ZNF208: variants seen among roughly 807,000 people sequenced by gnomAD.
ZNF208 encodes the protein zinc finger protein 208.
Under a neutral mutation model 12.1 loss-of-function variants are expected in ZNF208, and 10 were observed. The ratio of observed to expected loss-of-function variants is 0.83; its 90% CI spans 0.51 to 1.40. The LOEUF (loss-of-function observed/expected upper bound fraction) is 1.40. Ranked by LOEUF, ZNF208 falls within the 40% of genes most tolerant of loss-of-function variation. The pLI, the probability that ZNF208 is intolerant of heterozygous loss-of-function variation, is 0.00. For synonymous variants in ZNF208, 497 were observed against 488.4 expected (o/e 1.02, Z -0.23); for missense variants, 1,652 against 1,485.0 (o/e 1.11, Z -1.85).
At chr19:22,010,671 A>G in intron 1 of ZNF208, 121 bp downstream of exon 1, 1 of 1,500,040 alleles carries the variant, frequency 6.7e-7, no homozygotes, top group Non-Finnish European at 9.3e-7. Context: ...GAGCTAGGCA[A>G]GAACTCGGGG....
At chr19:21,979,783 G>T (rs1970502719) in intron 3 of ZNF208, among the ~76,000 whole-genome samples, 1 of 152,102 alleles carries the variant, frequency 6.6e-6, no homozygotes, top group South Asian at 2.1e-4. Context: ...GACACAGACT[G>T]GCAAATTGAA....
In ZNF208 at chr19:21,974,065, A is replaced by C; in HGVS notation, c.969T>G (p.Ser323Arg). The C allele has an allele frequency of 7.6e-7, 1 of 1,324,348 alleles. No homozygotes were observed. Among genetic ancestry groups the C allele is most frequent in the Non-Finnish European group, 1.0e-6 (1 of 996,064 alleles). 82.0% of individuals were successfully genotyped at this position (1,324,348 alleles called of 1,614,324 possible). The change falls in exon 4 of 4, where the codon AGT becomes AGG. Residue 323 changes from serine (S) to arginine (R), a missense_variant. Around this residue, in one of 3 missense-constraint regions of ZNF208, gnomAD observed 410 missense variants for 378.2 expected, o/e 1.08. Transcript: ENST00000397126. ...YKCKECGKAF[S>R]KVSTLITHKA... Reference sequence around the variant, plus strand: ...TATGTGTAATAAGGGTTGAGACCTTACTGAAGGCTTTGCCACATTCTTTAC... The same window carrying C: ...TATGTGTAATAAGGGTTGAGACCTTCCTGAAGGCTTTGCCACATTCTTTAC...
intron 4 of ZNF208, among the ~76,000 whole-genome samples, chr19:21,950,793 C>G (rs1183359204): frequency 6.6e-6 from 1 of 151,928 alleles, no homozygotes; most frequent in Admixed American, 6.6e-5. Context: ...CCATGCCTGG[C>G]CCCTAGCCCT....
chr19:22,002,081 G>T (rs1970964397), intron 1 of ZNF208, among the ~76,000 whole-genome samples: 1 of 151,862 alleles, frequency 6.6e-6, no homozygotes, highest in African/African-American at 2.4e-5. Context: ...CACATAAACA[G>T]AATTAAAGAC....
At chr19:21,950,257 A>G (rs1253267936) in intron 4 of ZNF208, among the ~76,000 whole-genome samples, 2 of 152,148 alleles carry the variant, frequency 1.3e-5, no homozygotes, top group Admixed American at 1.3e-4. Flanking sequence ...AATTACTTTT[A>G]TCCACTCTTT....
rs539163977 is a variant in ZNF208, at chr19:21,993,964, A to G, written c.4-5055T>C. Reference sequence around the variant, plus strand: ...AAGTTACAGAGCACTGTGATAGCACATTATGTGATTTAATCCTAATAACAC... The same window carrying G: ...AAGTTACAGAGCACTGTGATAGCACGTTATGTGATTTAATCCTAATAACAC... On this transcript the variant is annotated intron_variant, in intron 1 of 3. Transcript: ENST00000397126. 5.9e-5 allele frequency among the ~76,000 whole-genome samples: 9 copies of G among 152,352 alleles called. No individual in the cohort carries two copies. In the South Asian group the frequency reaches 1.7e-3, roughly 28 times the overall value.
intron 1 of ZNF208, among the ~76,000 whole-genome samples, chr19:21,993,164 A>G (rs536475083): frequency 4.4e-4 from 67 of 152,278 alleles, no homozygotes; most frequent in African/African-American, 1.6e-3. Context: ...CTCCACAGAG[A>G]TAAAAATATG....
At chr19:22,002,616 A>T (rs1217290571) in intron 1 of ZNF208, among the ~76,000 whole-genome samples, 1 of 152,024 alleles carries the variant, frequency 6.6e-6, no homozygotes, top group Admixed American at 6.6e-5. Flanking sequence ...AAAGAATAAT[A>T]TATCTAGAAA....
chr19:21,973,285 A>G lies in ZNF208; in HGVS notation c.1749T>C (p.Cys583=). The G allele has an allele frequency of 6.2e-7, 1 of 1,611,192 alleles. No individual in the cohort carries two copies. Among genetic ancestry groups the G allele is most frequent in the Non-Finnish European group, 8.5e-7 (1 of 1,178,590 alleles). Reference sequence around the variant, plus strand: ...GGTTAAAAGCTTTGCCACATTCTTCACATTTGTAGGGTTTCTCTACAGTAT... The same window carrying G: ...GGTTAAAAGCTTTGCCACATTCTTCGCATTTGTAGGGTTTCTCTACAGTAT... The part of the protein sequence containing the change: ...KIHTVEKPYK[C]EECGKAFNQS... The change falls in exon 4 of 4, where the codon TGT becomes TGC. Residue 583 remains cysteine, a synonymous_variant. Transcript: ENST00000397126.
rs377745338 is a variant in ZNF208, at chr19:21,971,714, T to A, written c.3320A>T (p.His1107Leu). 6.2e-6 allele frequency: 10 copies of A among 1,613,994 alleles called. No homozygotes were observed. Among genetic ancestry groups the A allele is most frequent in the Non-Finnish European group, 7.6e-6 (9 of 1,179,996 alleles). The stretch of plus-strand genomic sequence containing the variant: ...ACATTTGTAGGGTTTCTCTCCAGTA[T>A]GAATTCTCTTATGTTCCATAAGGTT... ...SSNLMEHKRI[H>L]TGEKPYKCEE... is the part of the protein sequence containing the mutation. The change falls in exon 4 of 4, where the codon CAT (histidine) becomes CTT (leucine). Residue 1107 changes from histidine (H) to leucine (L), a missense_variant. Coordinates refer to ENST00000397126, the MANE Select transcript of ZNF208 (RefSeq NM_007153.3).
intron 4 of ZNF208, among the ~76,000 whole-genome samples, chr19:21,949,890 C>T (rs905821843): frequency 2.0e-5 from 3 of 152,142 alleles, no homozygotes; most frequent in African/African-American, 7.2e-5. Context: ...GACTGCTGTC[C>T]TCTAATGGAA....
At chr19:21,960,353 A>C (rs1249568208) in intron 4 of ZNF208, among the ~76,000 whole-genome samples, 1 of 152,164 alleles carries the variant, frequency 6.6e-6, no homozygotes, top group Non-Finnish European at 1.5e-5. Flanking sequence ...TTTATAGTAT[A>C]AAATTAAAAT....
At chr19:22,005,398 G>A (rs1971027288) in intron 1 of ZNF208, among the ~76,000 whole-genome samples, 1 of 152,178 alleles carries the variant, frequency 6.6e-6, no homozygotes, top group Non-Finnish European at 1.5e-5. Flanking sequence ...GTGTAGAGGA[G>A]ATCAGAGCTT....
In ZNF208 at chr19:21,969,911, A is replaced by AT. The variant is rs562002063; in HGVS notation, c.*1279dup. 5.3e-5 allele frequency among the ~76,000 whole-genome samples: 8 copies of AT among 151,884 alleles called. No individual in the cohort carries two copies. The East Asian group carries it at 7.7e-4, about 15-fold the overall frequency. On this transcript the variant is annotated 3_prime_UTR_variant, in exon 4 of 4. Transcript: ENST00000397126. The stretch of plus-strand genomic sequence containing the variant: ...GAAGATATTACTGGCATTAACAAAA[A>AT]TTTTTTTTTCCAGACAGTCTCTCTC...
chr19:21,946,832 A>C (rs994132817), intron 4 of ZNF208, among the ~76,000 whole-genome samples: 6 of 152,140 alleles, frequency 3.9e-5, no homozygotes, highest in African/African-American at 7.2e-5. Flanking sequence ...AGGAGGTCCT[A>C]TGGCAACTGA....
At chr19:22,005,310 A>T (rs1971025457) in intron 1 of ZNF208, among the ~76,000 whole-genome samples, 1 of 152,158 alleles carries the variant, frequency 6.6e-6, no homozygotes, top group African/African-American at 2.4e-5. Flanking sequence ...TTGTCATCAG[A>T]TCTCTTTTAA....
chr19:21,964,569 T>TC (rs1411305155), downstream of ZNF208, among the ~76,000 whole-genome samples: 1 of 151,738 alleles, frequency 6.6e-6, no homozygotes, highest in Non-Finnish European at 1.5e-5. Context: ...TGACAGACAC[T>TC]CCGCATTTAA....
intron 4 of ZNF208, among the ~76,000 whole-genome samples, chr19:21,943,355 A>C (rs1257517364): frequency 2.6e-5 from 4 of 152,214 alleles, no homozygotes; most frequent in Non-Finnish European, 5.9e-5. Flanking sequence ...ACAACAACAA[A>C]AAACTAAGAT....
rs1969751432 is a variant in ZNF208, at chr19:21,942,127, G to T, written c.306-8890C>A. ...TAAAGAAATGAGTGGTTTGCCGTAT[G>T]ATATGAATACAGGCATTCAATTAAA... On this transcript the variant is annotated intron_variant, in intron 4 of 4. Transcript: ENST00000599916. Among the ~76,000 whole-genome samples, 2 of 152,102 alleles carry T rather than the reference G, an allele frequency of 1.3e-5. 1 individual carries two copies. Among genetic ancestry groups the T allele is most frequent in the South Asian group, 4.1e-4 (2 of 4,824 alleles).
Sources: gnomAD v4.1 joint callset for allele counts (sites outside exome capture counted in the v4.1 genomes callset) on GRCh38, gnomAD v4.1.1 for gene constraint, gnomAD v4.1.1 regional missense constraint, MANE v1.5 for transcripts, NCBI Gene and HGNC (gene_info 2026-07-23, HGNC 2026-07-21) for gene names.